The following LINGO2 variants were observed in gnomAD, a reference collection of about 807,000 sequenced individuals.
LINGO2 encodes leucine-rich repeat and immunoglobulin-like domain-containing nogo receptor-interacting protein 2.
Under a neutral mutation model 30.6 loss-of-function variants are expected in LINGO2, and 14 were observed. The ratio of observed to expected loss-of-function variants is 0.46; its 90% CI spans 0.30 to 0.72. The LOEUF is 0.72. LINGO2 is among the 30% of genes least tolerant of loss of function. The pLI, the probability that LINGO2 is intolerant of heterozygous loss-of-function variation, is 0.07. For missense variants in LINGO2, 729 were observed against 751.7 expected, an observed-to-expected ratio of 0.97 and a Z score of 0.35; for synonymous variants, 317 against 288.5, an observed-to-expected ratio of 1.10 and a Z score of -1.00.
At chr9:28,046,383 T>C (rs560287702) in intron 4 of LINGO2, among the ~76,000 whole-genome samples, 2 of 152,298 alleles carry the variant, frequency 1.3e-5, no homozygotes, top group African/African-American at 4.8e-5. Context: ...CCACCCTCAC[T>C]TTCCGATTCA....
chr9:29,021,332 C>T, the LINGO2 span, among the ~76,000 whole-genome samples: 1 of 152,128 alleles, frequency 6.6e-6, no homozygotes, highest in Non-Finnish European at 1.5e-5. Flanking sequence ...GGGAATACGG[C>T]ACTAACTACA....
chr9:29,010,407 T>G, the LINGO2 span, among the ~76,000 whole-genome samples: 1 of 152,100 alleles, frequency 6.6e-6, no homozygotes, highest in Non-Finnish European at 1.5e-5. Context: ...ACTCCAGCAT[T>G]CAGAGATCTG....
At chr9:28,382,480 T>C (rs1216603135) in intron 2 of LINGO2, among the ~76,000 whole-genome samples, 1 of 152,134 alleles carries the variant, frequency 6.6e-6, no homozygotes, top group East Asian at 1.9e-4. Context: ...ACAGAAACAA[T>C]ACACACAGGG....
chr9:28,038,154 G>T (rs900406105), intron 4 of LINGO2, among the ~76,000 whole-genome samples: 19 of 152,132 alleles, frequency 1.2e-4, no homozygotes, highest in Non-Finnish European at 1.9e-4. Flanking sequence ...ATGATAAGAG[G>T]CATTTTAGCT....
chr9:28,408,912 G>T (rs1822632136), intron 2 of LINGO2, among the ~76,000 whole-genome samples: 1 of 151,852 alleles, frequency 6.6e-6, no homozygotes, highest in African/African-American at 2.4e-5. Context: ...GCCCCACAGT[G>T]GTTTATGAAC....
chr9:28,260,807 C>T (rs139638805), intron 4 of LINGO2, among the ~76,000 whole-genome samples: 54 of 151,970 alleles, frequency 3.6e-4, no homozygotes, highest in African/African-American at 1.2e-3. Flanking sequence ...TTCCTTTAGT[C>T]TCATATGACA....
At chr9:28,946,738 T>C in the LINGO2 span, among the ~76,000 whole-genome samples, 1 of 152,004 alleles carries the variant, frequency 6.6e-6, no homozygotes, top group African/African-American at 2.4e-5. Flanking sequence ...TCTTCAGCAA[T>C]AGACATGGTA....
chr9:28,994,952 G>A, the LINGO2 span, among the ~76,000 whole-genome samples: 7 of 152,106 alleles, frequency 4.6e-5, no homozygotes, highest in Non-Finnish European at 1.0e-4. Context: ...TCAGGACATA[G>A]GCATGGGCAA....
At chr9:28,516,660 G>A (rs913182427) in intron 1 of LINGO2, among the ~76,000 whole-genome samples, 1 of 152,174 alleles carries the variant, frequency 6.6e-6, no homozygotes, top group Non-Finnish European at 1.5e-5. Flanking sequence ...AAAAACCACT[G>A]AGGACAATAT....
the LINGO2 span, among the ~76,000 whole-genome samples, chr9:29,110,447 C>T: frequency 6.6e-6 from 1 of 151,780 alleles, no homozygotes; most frequent in Admixed American, 6.6e-5. Flanking sequence ...ATTCTCCTGC[C>T]TCAGCCTCCC....
intron 1 of LINGO2, among the ~76,000 whole-genome samples, chr9:28,605,473 T>A (rs1160149553): frequency 6.6e-6 from 1 of 151,996 alleles, no homozygotes. Context: ...TTCTCTCTCA[T>A]GACAGACTTT....
At chr9:28,560,499 G>A (rs2135547354) in intron 1 of LINGO2, among the ~76,000 whole-genome samples, 1 of 151,940 alleles carries the variant, frequency 6.6e-6, no homozygotes, top group East Asian at 1.9e-4. Flanking sequence ...ACTGAATAAG[G>A]CAATCCTTAA....
chr9:28,000,766 TA>T (rs1287605142), intron 5 of LINGO2, among the ~76,000 whole-genome samples: 12 of 152,278 alleles, frequency 7.9e-5, no homozygotes, highest in African/African-American at 2.4e-4. Flanking sequence ...AAAGTACACA[TA>T]AAAAAACTGC....
At chr9:28,574,915 TGC>T (rs1483958892) in intron 1 of LINGO2, among the ~76,000 whole-genome samples, 1 of 152,176 alleles carries the variant, frequency 6.6e-6, no homozygotes, top group Admixed American at 6.5e-5. Context: ...TAAAATGCAT[TGC>T]AGTACTATTC....
At chr9:28,781,273 T>A in the LINGO2 span, among the ~76,000 whole-genome samples, 35 of 152,258 alleles carry the variant, frequency 2.3e-4, 1 homozygote, top group South Asian at 7.0e-3. Flanking sequence ...TGCAGCCAGA[T>A]GCCGGGCTCT....
Position 28,300,037 on chromosome 9 carries a change from C to T in LINGO2, c.-245-4671G>A, listed in dbSNP as rs767133806. Among the ~76,000 whole-genome samples the T allele has an allele frequency of 5.0e-4, 72 of 144,216 alleles. 1 individual carries two copies. The Middle Eastern group carries it at 0.029, about 58-fold the overall frequency. The allele number at this position is 144,216 out of a possible 152,430, so 94.6% of individuals were successfully genotyped here. A position where few individuals can be genotyped will look rare whatever the true frequency, so the allele number is the denominator to read the frequency against. ...TAAAGAAGATACCAAAGCCAACAAA[C>T]AAAATAACAGGATTTTGAGATACAC... On this transcript the variant is annotated intron_variant, in intron 3 of 5. Transcript: ENST00000379992.
At chr9:28,525,854 G>A (rs901790252) in intron 1 of LINGO2, among the ~76,000 whole-genome samples, 1 of 152,032 alleles carries the variant, frequency 6.6e-6, no homozygotes, top group South Asian at 2.1e-4. Flanking sequence ...AGGAGATGGA[G>A]ACCATCCTGG....
At chr9:28,879,413 A>G in the LINGO2 span, among the ~76,000 whole-genome samples, 3 of 152,156 alleles carry the variant, frequency 2.0e-5, no homozygotes, top group Non-Finnish European at 4.4e-5. Flanking sequence ...TTATCCTTCA[A>G]TAGTGATAAT....
At chr9:29,082,642 G>A in the LINGO2 span, among the ~76,000 whole-genome samples, 288 of 152,148 alleles carry the variant, frequency 1.9e-3, 1 homozygote, top group Non-Finnish European at 2.0e-3. Flanking sequence ...GAGTGAACAG[G>A]CAACCTACAG....
Sources: gnomAD v4.1 joint callset for allele counts (sites outside exome capture counted in the v4.1 genomes callset) on GRCh38, gnomAD v4.1.1 for gene constraint, MANE v1.5 for transcripts, NCBI Gene and HGNC (gene_info 2026-07-23, HGNC 2026-07-21) for gene names.